The following WDR49 variants were observed in gnomAD, a reference collection of about 807,000 sequenced individuals.
WDR49 encodes cilia- and flagella-associated protein 337.
WDR49 carries 107 observed loss-of-function variants against 119.5 expected under a neutral mutation model. That is an observed-to-expected ratio of 0.90 (90% CI 0.77 to 1.05). WDR49 has a LOEUF of 1.05. WDR49 is among the 50% of genes least tolerant of loss of function. The pLI, the probability that WDR49 is intolerant of heterozygous loss-of-function variation, is 0.00. For synonymous variants in WDR49, 425 were observed against 418.8 expected (o/e 1.01, Z -0.18); for missense variants, 1,240 against 1,220.5 (o/e 1.02, Z -0.24).
intron 14 of WDR49, among the ~76,000 whole-genome samples, chr3:167,528,276 A>G (rs1218340061): frequency 6.6e-6 from 1 of 152,016 alleles, no homozygotes; most frequent in Non-Finnish European, 1.5e-5. Flanking sequence ...TAAATAGTAA[A>G]GCCAATTATT....
intron 10 of WDR49, among the ~76,000 whole-genome samples, chr3:167,545,029 A>C (rs528090052): frequency 2.6e-5 from 4 of 151,790 alleles, no homozygotes; most frequent in Admixed American, 2.0e-4. Context: ...CACCAAATAT[A>C]GTCAAAGGAC....
chr3:167,577,952 A>G (rs2108285584), intron 7 of WDR49, among the ~76,000 whole-genome samples: 1 of 152,268 alleles, frequency 6.6e-6, no homozygotes. Context: ...ATTTGGGTAC[A>G]TAGACACACC....
intron 10 of WDR49, among the ~76,000 whole-genome samples, chr3:167,550,574 C>T (rs367757748): frequency 9.1e-4 from 138 of 152,010 alleles, no homozygotes; most frequent in East Asian, 1.7e-3. Context: ...TAAATATATA[C>T]GGTGATGGAT....
chr3:167,655,837 G>C (rs1192782150), upstream of WDR49, among the ~76,000 whole-genome samples: 1 of 152,144 alleles, frequency 6.6e-6, no homozygotes, highest in Non-Finnish European at 1.5e-5. Flanking sequence ...GGCGGAGGTT[G>C]CAGTGAGCCA....
intron 18 of WDR49, among the ~76,000 whole-genome samples, chr3:167,497,394 T>C (rs1485894379): frequency 6.6e-6 from 1 of 151,920 alleles, no homozygotes; most frequent in African/African-American, 2.4e-5. Context: ...TTTAAAAACT[T>C]TGGGGAAGTT....
intron 2 of WDR49, among the ~76,000 whole-genome samples, chr3:167,634,437 T>G (rs1046790276): frequency 6.6e-6 from 1 of 151,930 alleles, no homozygotes; most frequent in Non-Finnish European, 1.5e-5. Flanking sequence ...ATTATATCAC[T>G]AGGCACAACT....
intron 16 of WDR49, among the ~76,000 whole-genome samples, chr3:167,510,043 T>C (rs555016944): frequency 6.6e-6 from 1 of 152,310 alleles, no homozygotes; most frequent in Non-Finnish European, 1.5e-5. Flanking sequence ...ACCACAGATA[T>C]TTTCACCTTT....
At chr3:167,528,668 TA>T (rs752338028) in intron 14 of WDR49, among the ~76,000 whole-genome samples, 17 of 151,982 alleles carry the variant, frequency 1.1e-4, no homozygotes, top group Non-Finnish European at 1.5e-4. Context: ...CAGAGAGCTA[TA>T]ATCATGCCAC....
intron 6 of WDR49, 90 bp from the exon 7 acceptor site, chr3:167,602,365 T>C: frequency 8.5e-7 from 1 of 1,180,664 alleles, no homozygotes; most frequent in Non-Finnish European, 1.1e-6. Flanking sequence ...CATATAACTC[T>C]AGCTTGATGA....
Position 167,551,745 on chromosome 3 carries a change from CTGTGAG to C in WDR49, c.1823+2899_1823+2904del, listed in dbSNP as rs531849770. Among the ~76,000 whole-genome samples, 50 of 152,016 alleles carry C rather than the reference CTGTGAG, an allele frequency of 3.3e-4. 1 individual carries two copies. The South Asian group carries it at 9.5e-3, about 29-fold the overall frequency. On this transcript the variant is annotated intron_variant, in intron 10 of 18. Transcript: ENST00000682715. ...TGCTTGCCTCTCACTAAGAATGTGA[CTGTGAG>C]TAATTAATCTCTCTAATCCTTAGTT...
chr3:167,511,778 G>C (rs1270217917), intron 16 of WDR49, among the ~76,000 whole-genome samples: 1 of 152,184 alleles, frequency 6.6e-6, no homozygotes. Context: ...TGCCGGTGTT[G>C]GGGAGACTGG....
intron 18 of WDR49, among the ~76,000 whole-genome samples, chr3:167,493,441 G>A (rs543024174): frequency 6.6e-6 from 1 of 152,266 alleles, no homozygotes; most frequent in East Asian, 1.9e-4. Flanking sequence ...GCACCTCCCT[G>A]TGGATAGTTT....
At chr3:167,525,999 A>G (rs1295734952) in intron 15 of WDR49, among the ~76,000 whole-genome samples, 1 of 151,704 alleles carries the variant, frequency 6.6e-6, no homozygotes, top group Non-Finnish European at 1.5e-5. Context: ...AGACAGCTTG[A>G]TAAAAGTCAA....
intron 5 of WDR49, among the ~76,000 whole-genome samples, chr3:167,607,853 T>G (rs1229100084): frequency 6.6e-6 from 1 of 152,124 alleles, no homozygotes; most frequent in Admixed American, 6.6e-5. Flanking sequence ...TATGTCTTCC[T>G]TGCTTTCTCT....
intron 7 of WDR49, among the ~76,000 whole-genome samples, chr3:167,589,151 A>G (rs957914784): frequency 6.6e-6 from 1 of 152,138 alleles, no homozygotes; most frequent in South Asian, 2.1e-4. Flanking sequence ...TATCTTCTGC[A>G]TATAGATATT....
chr3:167,486,590 G>C (rs1190761706), intron 18 of WDR49, among the ~76,000 whole-genome samples: 1 of 152,034 alleles, frequency 6.6e-6, no homozygotes, highest in African/African-American at 2.4e-5. Context: ...ACAAAAAAGA[G>C]CAGGGGTCCC....
chr3:167,553,153 T>C (rs1712675676), intron 10 of WDR49, among the ~76,000 whole-genome samples: 1 of 152,076 alleles, frequency 6.6e-6, no homozygotes, highest in African/African-American at 2.4e-5. Flanking sequence ...ATTTAGAATA[T>C]ATAATTTTTA....
At chr3:167,505,046 AT>A (rs1216582356) in intron 17 of WDR49, among the ~76,000 whole-genome samples, 15 of 152,156 alleles carry the variant, frequency 9.9e-5, no homozygotes, top group Non-Finnish European at 2.1e-4. Flanking sequence ...AGTTTCTGGC[AT>A]TTTTTTATAG....
At chr3:167,555,242 A>C (rs1462218704) in intron 9 of WDR49, among the ~76,000 whole-genome samples, 2 of 152,148 alleles carry the variant, frequency 1.3e-5, no homozygotes, top group Non-Finnish European at 2.9e-5. Flanking sequence ...GCCTCCATAA[A>C]AACCCAAAAG....
Sources: allele counts gnomAD v4.1 joint callset (sites outside exome capture counted in the v4.1 genomes callset), GRCh38; gene constraint gnomAD v4.1.1; transcripts MANE v1.5; gene names NCBI Gene and HGNC (gene_info 2026-07-23, HGNC 2026-07-21).